BCKDHB: variants seen among roughly 807,000 people sequenced by gnomAD.
BCKDHB encodes the protein branched chain keto acid dehydrogenase E1 subunit beta.
Under a neutral mutation model 48.5 loss-of-function variants are expected in BCKDHB, and 41 were observed. That is an observed-to-expected ratio of 0.85 (90% CI 0.66 to 1.10). The LOEUF (loss-of-function observed/expected upper bound fraction) is 1.10, where lower values mean the gene tolerates loss of function less well. BCKDHB is among the 50% of genes least tolerant of loss of function. The pLI, the probability that BCKDHB is intolerant of heterozygous loss-of-function variation, is 0.00. For synonymous variants in BCKDHB, 201 were observed against 174.8 expected (o/e 1.15, Z -1.18); for missense variants, 496 against 494.2 (o/e 1.00, Z -0.03).
chr6:80,119,572 C>T (rs1022539607), intron 1 of BCKDHB, among the ~76,000 whole-genome samples: 1 of 152,122 alleles, frequency 6.6e-6, no homozygotes. Flanking sequence ...CCGCACCCCC[C>T]TTGGCCTCAC....
At chr6:80,307,529 A>G in intron 9 of BCKDHB, 1 of 985,130 alleles carries the variant, frequency 1.0e-6, no homozygotes, top group Non-Finnish European at 1.2e-6. Flanking sequence ...TCAGTAAATT[A>G]AAACTTAAAC....
chr6:80,122,404 G>C (rs907242807), intron 1 of BCKDHB, among the ~76,000 whole-genome samples: 5 of 152,170 alleles, frequency 3.3e-5, no homozygotes, highest in African/African-American at 7.2e-5. Flanking sequence ...TCTATTGATT[G>C]GAATAGTTCC....
chr6:80,140,574 G>T (rs982234475), intron 3 of BCKDHB, among the ~76,000 whole-genome samples: 2 of 151,982 alleles, frequency 1.3e-5, no homozygotes, highest in Non-Finnish European at 2.9e-5. Context: ...TGTGGTTTTT[G>T]TCTTTGGTTC....
At chr6:80,381,501 T>C in the BCKDHB span, among the ~76,000 whole-genome samples, 1 of 152,106 alleles carries the variant, frequency 6.6e-6, no homozygotes, top group Non-Finnish European at 1.5e-5. Context: ...TCATTATTCT[T>C]CAAGTCTATC....
At chr6:80,216,482 A>G (rs1165501372) in intron 8 of BCKDHB, among the ~76,000 whole-genome samples, 1 of 152,200 alleles carries the variant, frequency 6.6e-6, no homozygotes. Context: ...AACTGGAGAA[A>G]GCAAGATTAA....
At chr6:80,434,884 T>C in the BCKDHB span, among the ~76,000 whole-genome samples, 1 of 152,240 alleles carries the variant, frequency 6.6e-6, no homozygotes, top group African/African-American at 2.4e-5. Flanking sequence ...TTTCCTTTTA[T>C]GCAGTCATAG....
the BCKDHB span, among the ~76,000 whole-genome samples, chr6:80,366,252 A>G: frequency 2.6e-5 from 4 of 152,330 alleles, no homozygotes; most frequent in East Asian, 5.8e-4. Flanking sequence ...AAAGACGCAG[A>G]TTGAATTTCC....
chr6:80,353,919 A>G, the BCKDHB span, among the ~76,000 whole-genome samples: 1 of 152,204 alleles, frequency 6.6e-6, no homozygotes, highest in Admixed American at 6.5e-5. Context: ...TCTCATTTTA[A>G]TTTGCATTTC....
intron 9 of BCKDHB, among the ~76,000 whole-genome samples, chr6:80,335,259 G>C (rs1028787145): frequency 1.5e-5 from 2 of 130,196 alleles, no homozygotes; most frequent in Non-Finnish European, 1.7e-5. Context: ...AAGAAAAATT[G>C]AATGCTTTGT....
the BCKDHB span, among the ~76,000 whole-genome samples, chr6:80,357,678 T>G: frequency 2.6e-5 from 4 of 152,202 alleles, no homozygotes. Context: ...TACGTTTTCC[T>G]GGGCAGGCCT....
intron 9 of BCKDHB, among the ~76,000 whole-genome samples, chr6:80,316,096 G>A (rs984878254): frequency 6.6e-6 from 1 of 152,182 alleles, no homozygotes; most frequent in African/African-American, 2.4e-5. Flanking sequence ...TTCCTATGCT[G>A]TGATTTTAGG....
At chr6:80,239,228 G>C (rs1201423097) in intron 8 of BCKDHB, among the ~76,000 whole-genome samples, 2 of 152,170 alleles carry the variant, frequency 1.3e-5, no homozygotes, top group Non-Finnish European at 2.9e-5. Flanking sequence ...CAGTGTAAAA[G>C]TGTTCCTATT....
chr6:80,406,701 T>G, the BCKDHB span, among the ~76,000 whole-genome samples: 4 of 152,152 alleles, frequency 2.6e-5, no homozygotes, highest in African/African-American at 9.7e-5. Context: ...TTTGATGGGG[T>G]TGTTTGATTT....
At chr6:80,128,752 A>G (rs1025162206) in intron 2 of BCKDHB, among the ~76,000 whole-genome samples, 6 of 152,162 alleles carry the variant, frequency 3.9e-5, no homozygotes, top group African/African-American at 1.2e-4. Context: ...TTCTTCATGG[A>G]TAAAACAAAT....
chr6:80,215,147 T>A (rs1775109358), intron 8 of BCKDHB, among the ~76,000 whole-genome samples: 1 of 152,228 alleles, frequency 6.6e-6, no homozygotes, highest in Non-Finnish European at 1.5e-5. Flanking sequence ...GGAAAAATGG[T>A]CTCATTTTGT....
At chr6:80,201,352 G>C (rs763237210) in intron 7 of BCKDHB, among the ~76,000 whole-genome samples, 2 of 152,002 alleles carry the variant, frequency 1.3e-5, no homozygotes, top group African/African-American at 2.4e-5. Context: ...GGACACTTCA[G>C]ATCTATTATT....
At chr6:80,161,905 C>T (rs1458472347) in intron 3 of BCKDHB, among the ~76,000 whole-genome samples, 2 of 152,198 alleles carry the variant, frequency 1.3e-5, no homozygotes, top group Admixed American at 1.3e-4. Flanking sequence ...TTCTTAAAAG[C>T]CACGGATTTT....
chr6:80,412,083 A>G, the BCKDHB span, among the ~76,000 whole-genome samples: 1 of 151,662 alleles, frequency 6.6e-6, no homozygotes, highest in African/African-American at 2.4e-5. Context: ...CTATTTGGCC[A>G]TCTTGGAAGC....
chr6:80,385,417 T>C, the BCKDHB span, among the ~76,000 whole-genome samples: 100 of 152,318 alleles, frequency 6.6e-4, no homozygotes, highest in Non-Finnish European at 7.3e-5. Context: ...CAACTTGGAA[T>C]GCGGATGTGT....
Sources: allele counts gnomAD v4.1 joint callset (sites outside exome capture counted in the v4.1 genomes callset), GRCh38; gene constraint gnomAD v4.1.1; transcripts MANE v1.5; gene names NCBI Gene and HGNC (gene_info 2026-07-23, HGNC 2026-07-21).